RIMS1: variants seen among roughly 807,000 people sequenced by gnomAD.
The protein encoded by RIMS1 is regulating synaptic membrane exocytosis protein 1.
A neutral mutation model predicts 214.1 loss-of-function variants in RIMS1; 83 were observed. That is an observed-to-expected ratio of 0.39 (90% confidence interval 0.32 to 0.47). The LOEUF (loss-of-function observed/expected upper bound fraction) is 0.47. RIMS1 is among the 20% of genes least tolerant of loss of function. The pLI is 0.99. For synonymous variants in RIMS1, 793 were observed against 786.8 expected (o/e 1.01, Z -0.13); for missense variants, 2,050 against 2,161.8 (o/e 0.95, Z 1.03).
At chr6:72,152,350 G>A (rs553834254) in intron 4 of RIMS1, among the ~76,000 whole-genome samples, 9 of 152,186 alleles carry the variant, frequency 5.9e-5, no homozygotes, top group Non-Finnish European at 1.2e-4. Flanking sequence ...CAAGAAAACT[G>A]AAGCAGAGAA....
At chr6:71,951,642 G>A (rs1473179572) in intron 1 of RIMS1, among the ~76,000 whole-genome samples, 1 of 141,166 alleles carries the variant, frequency 7.1e-6, no homozygotes, top group Admixed American at 7.4e-5. Flanking sequence ...CCACAGTTGT[G>A]CACCACCACG....
At chr6:72,232,236 T>C (rs1405278116) in intron 6 of RIMS1, among the ~76,000 whole-genome samples, 2 of 151,694 alleles carry the variant, frequency 1.3e-5, no homozygotes, top group Non-Finnish European at 3.0e-5. Context: ...ACTAAGTATA[T>C]GAAATTATAG....
intron 28 of RIMS1, among the ~76,000 whole-genome samples, chr6:72,321,359 G>A (rs2096150210): frequency 6.6e-6 from 1 of 152,036 alleles, no homozygotes; most frequent in South Asian, 2.1e-4. Flanking sequence ...TATTCACTGA[G>A]TATGTATATC....
chr6:72,063,121 A>G (rs1371590095), intron 2 of RIMS1, among the ~76,000 whole-genome samples: 1 of 152,200 alleles, frequency 6.6e-6, no homozygotes, highest in Non-Finnish European at 1.5e-5. Context: ...CAGGAAAACA[A>G]CACTGAGGAA....
intron 28 of RIMS1, among the ~76,000 whole-genome samples, chr6:72,318,870 T>C (rs998066371): frequency 3.9e-5 from 6 of 152,204 alleles, no homozygotes; most frequent in Non-Finnish European, 7.4e-5. Flanking sequence ...CCTTTCTTTC[T>C]TGTGACCTCA....
chr6:72,323,014 G>A (rs1014892670), intron 28 of RIMS1, among the ~76,000 whole-genome samples: 3 of 151,980 alleles, frequency 2.0e-5, no homozygotes, highest in Non-Finnish European at 4.4e-5. Context: ...CTGGGGAGAT[G>A]GATTGGACTT....
chr6:72,339,345 C>T (rs1048192911), intron 29 of RIMS1, among the ~76,000 whole-genome samples: 1 of 151,874 alleles, frequency 6.6e-6, no homozygotes, highest in Non-Finnish European at 1.5e-5. Flanking sequence ...AGGTTTGTTA[C>T]ATATGTATAC....
In RIMS1 at chr6:72,132,937, G is replaced by A. The variant is rs191496766; in HGVS notation, c.471+32951G>A. On this transcript the variant is annotated intron_variant, in intron 4 of 33. Coordinates refer to ENST00000521978, the MANE Select transcript of RIMS1 (RefSeq NM_014989.7). ...ACAGTGTTATTTGTTGTATATGTGT[G>A]TAAAATATCCATATGTTTTTTATTA... Among the ~76,000 whole-genome samples, 22 of 152,088 alleles carry A rather than the reference G, an allele frequency of 1.4e-4. No homozygotes were observed. In the East Asian group the frequency reaches 4.1e-3, roughly 28 times the overall value.
chr6:72,100,175 A>G (rs985143378), intron 4 of RIMS1, among the ~76,000 whole-genome samples, 189 bp downstream of exon 4: 5 of 152,112 alleles, frequency 3.3e-5, no homozygotes, highest in Non-Finnish European at 5.9e-5. Context: ...ATTAATAGAT[A>G]AAGTCTGGAT....
At chr6:72,029,966 A>C (rs932833198) in intron 2 of RIMS1, among the ~76,000 whole-genome samples, 1 of 152,222 alleles carries the variant, frequency 6.6e-6, no homozygotes, top group Admixed American at 6.6e-5. Context: ...GACAAGATGC[A>C]TGTAGAGAAC....
At position 72,179,536 on chromosome 6, in the gene RIMS1, G is replaced by A. The variant is rs773884628; in HGVS notation, c.472-39G>A. 12 of 1,420,672 alleles carry A rather than the reference G, an allele frequency of 8.4e-6. No homozygotes were observed. The South Asian group carries it at 1.2e-4, about 15-fold the overall frequency. 88.0% of individuals were successfully genotyped at this position (1,420,672 alleles called of 1,614,324 possible). ...AGATACTGAAAAATTATTTCCAAGA[G>A]GGCATAAAAATTTATATTGTTCTTT... On this transcript the variant is annotated intron_variant, in intron 4 of 33. Transcript: ENST00000521978.
intron 29 of RIMS1, among the ~76,000 whole-genome samples, chr6:72,358,939 T>A (rs192729761): frequency 6.6e-6 from 1 of 152,140 alleles, no homozygotes; most frequent in Non-Finnish European, 1.5e-5. Flanking sequence ...GCCATAAATA[T>A]CAGATCAGAT....
chr6:72,345,165 T>A (rs148963031), intron 29 of RIMS1, among the ~76,000 whole-genome samples: 1 of 151,782 alleles, frequency 6.6e-6, no homozygotes, highest in African/African-American at 2.4e-5. Flanking sequence ...TTTTAATACA[T>A]CCTTATTTAA....
intron 28 of RIMS1, among the ~76,000 whole-genome samples, chr6:72,322,446 A>G (rs973537227): frequency 6.6e-6 from 1 of 152,152 alleles, no homozygotes; most frequent in African/African-American, 2.4e-5. Context: ...TGATAACAAC[A>G]TAACTGGTCT....
At chr6:72,038,101 AAAAAAAAAAAAAAAAAAAT>A (rs1461140486) in intron 2 of RIMS1, among the ~76,000 whole-genome samples, 2 of 70,696 alleles carry the variant, frequency 2.8e-5, no homozygotes, top group African/African-American at 1.3e-4. Context: ...AAAAAAAAAA[AAAAAAAAAAAAAAAAAAAT>A]ATATATATAT....
chr6:72,307,376 A>C lies in RIMS1; in HGVS notation c.3963+6A>C. ...ATCGCGAGCAATATTCCAAGGTAAA[A>C]TTAGTAGTATCCAACAAATAGTTTC... On this transcript the variant is annotated splice_donor_region_variant and intron_variant, in intron 27 of 33. Transcript: ENST00000521978. 1 of 1,536,348 alleles carries C rather than the reference A, an allele frequency of 6.5e-7. No individual in the cohort carries two copies. Among genetic ancestry groups the C allele is most frequent in the Non-Finnish European group, 8.9e-7 (1 of 1,121,152 alleles).
chr6:72,060,897 A>G (rs988627621), intron 2 of RIMS1, among the ~76,000 whole-genome samples: 9 of 152,166 alleles, frequency 5.9e-5, no homozygotes, highest in South Asian at 2.1e-4. Context: ...ACGTTTCCTT[A>G]TATTTATTTG....
At chr6:71,906,731 T>G (rs1775365539) in intron 1 of RIMS1, among the ~76,000 whole-genome samples, 2 of 152,138 alleles carry the variant, frequency 1.3e-5, no homozygotes, top group South Asian at 4.1e-4. Context: ...TCCTGATAGG[T>G]CATTTAAACC....
chr6:72,264,067 G>A (rs997514460), intron 19 of RIMS1: 10 of 825,806 alleles, frequency 1.2e-5, no homozygotes, highest in Non-Finnish European at 1.3e-5. Flanking sequence ...CCTTTGATTT[G>A]ATCATTAATA....
Sources: allele counts gnomAD v4.1 joint callset (sites outside exome capture counted in the v4.1 genomes callset), GRCh38; gene constraint gnomAD v4.1.1; transcripts MANE v1.5; gene names NCBI Gene and HGNC (gene_info 2026-07-23, HGNC 2026-07-21).